The following STXBP5L variants were observed in gnomAD, a reference collection of about 807,000 sequenced individuals.
STXBP5L encodes syntaxin binding protein 5L.
STXBP5L carries 65 observed loss-of-function variants against 144.5 expected under a neutral mutation model. That is an observed-to-expected ratio of 0.45 (90% CI 0.37 to 0.55). The LOEUF (loss-of-function observed/expected upper bound fraction) is 0.55. Among genes scored for constraint, STXBP5L ranks in the 20% least tolerant of loss-of-function variants. STXBP5L has a pLI of 0.00. For missense variants in STXBP5L, 1,298 were observed against 1,405.5 expected, an observed-to-expected ratio of 0.92 and a Z score of 1.22; for synonymous variants, 505 against 469.6, an observed-to-expected ratio of 1.08 and a Z score of -0.97.
intron 19 of STXBP5L, among the ~76,000 whole-genome samples, chr3:121,317,318 T>A (rs2043818844): frequency 6.6e-6 from 1 of 152,206 alleles, no homozygotes; most frequent in Non-Finnish European, 1.5e-5. Flanking sequence ...TTCTGTGTCC[T>A]TTTCAAGCTA....
intron 5 of STXBP5L, among the ~76,000 whole-genome samples, chr3:121,100,787 A>C (rs1314884845): frequency 2.0e-5 from 3 of 151,954 alleles, no homozygotes; most frequent in Non-Finnish European, 4.4e-5. Context: ...AATCCACACA[A>C]TATATCGACA....
At chr3:121,062,292 T>C (rs1396326548) in intron 5 of STXBP5L, among the ~76,000 whole-genome samples, 1 of 152,330 alleles carries the variant, frequency 6.6e-6, no homozygotes, top group South Asian at 2.1e-4. Context: ...TGAAAATTCT[T>C]CTCTTTAAAA....
chr3:121,016,336 T>A (rs1158137363), intron 3 of STXBP5L, among the ~76,000 whole-genome samples: 1 of 152,156 alleles, frequency 6.6e-6, no homozygotes, highest in Non-Finnish European at 1.5e-5. Context: ...TGTGAAAAGA[T>A]TTAATGTAGA....
chr3:121,341,058 C>T (rs971634787), intron 20 of STXBP5L, among the ~76,000 whole-genome samples: 1 of 152,022 alleles, frequency 6.6e-6, no homozygotes, highest in Non-Finnish European at 1.5e-5. Context: ...AAATAATCAA[C>T]TAAGTGCAGA....
chr3:120,939,965 C>T lies in STXBP5L; in HGVS notation c.190-14975C>T, dbSNP rs115181585. On this transcript the variant is annotated intron_variant, in intron 2 of 26. Transcript: ENST00000471454. The stretch of plus-strand genomic sequence containing the variant: ...AGTGACAGACCTGAGAACTGAACTA[C>T]GTCTCCTGACTTCTAACAAAATATT... Among the ~76,000 whole-genome samples, 370 of 152,188 alleles carry T rather than the reference C, an allele frequency of 2.4e-3. 1 individual carries two copies. The highest frequency in any genetic ancestry group is 4.2e-3 in the African/African-American group (174 of 41,544).
At chr3:121,150,950 T>C (rs2045910395) in intron 7 of STXBP5L, among the ~76,000 whole-genome samples, 1 of 152,028 alleles carries the variant, frequency 6.6e-6, no homozygotes, top group Non-Finnish European at 1.5e-5. Flanking sequence ...TAGCCAGGTG[T>C]GGTGGCAGAT....
In STXBP5L at chr3:120,961,713, G is replaced by A. The variant is rs895060880; in HGVS notation, c.287+6676G>A. ...GATGCTTCCAAGTCTTTGCTGTTGT[G>A]AATAGTGCCACCATAAACATACGTG... On this transcript the variant is annotated intron_variant, in intron 3 of 26. Transcript: ENST00000471454. Among the ~76,000 whole-genome samples the A allele has an allele frequency of 7.2e-5, 11 of 152,190 alleles. No homozygotes were observed. The South Asian group carries it at 1.0e-3, about 14-fold the overall frequency.
intron 7 of STXBP5L, among the ~76,000 whole-genome samples, chr3:121,142,045 A>T (rs1322641419): frequency 6.6e-6 from 1 of 152,094 alleles, no homozygotes; most frequent in African/African-American, 2.4e-5. Context: ...TTAAGGATAT[A>T]TAAAGACTGA....
intron 9 of STXBP5L, among the ~76,000 whole-genome samples, chr3:121,190,270 C>CT (rs2047588955): frequency 6.6e-6 from 1 of 151,878 alleles, no homozygotes; most frequent in Non-Finnish European, 1.5e-5. Flanking sequence ...TTAGCGAGCA[C>CT]GCTGCCTTCA....
intron 9 of STXBP5L, among the ~76,000 whole-genome samples, chr3:121,193,524 T>C (rs2047792839): frequency 6.6e-6 from 1 of 152,166 alleles, no homozygotes; most frequent in South Asian, 2.1e-4. Flanking sequence ...CATGTACATG[T>C]ATGTTTATTG....
chr3:121,050,681 G>A (rs1038258014), intron 5 of STXBP5L, among the ~76,000 whole-genome samples: 7 of 152,008 alleles, frequency 4.6e-5, no homozygotes, highest in Non-Finnish European at 5.9e-5. Context: ...ATCAACTAAC[G>A]AGCAAAATAA....
intron 14 of STXBP5L, among the ~76,000 whole-genome samples, chr3:121,246,075 C>A (rs1440034333): frequency 2.0e-5 from 3 of 152,098 alleles, no homozygotes; most frequent in African/African-American, 4.8e-5. Flanking sequence ...CAGTACCAGT[C>A]CATGGCCTGT....
At chr3:121,148,591 C>A (rs2045808146) in intron 7 of STXBP5L, among the ~76,000 whole-genome samples, 1 of 151,982 alleles carries the variant, frequency 6.6e-6, no homozygotes, top group South Asian at 2.1e-4. Flanking sequence ...ATGATTTATT[C>A]CTTTAATTTA....
At chr3:121,196,650 A>T (rs780434587) in intron 9 of STXBP5L, among the ~76,000 whole-genome samples, 4 of 150,544 alleles carry the variant, frequency 2.7e-5, no homozygotes, top group Non-Finnish European at 5.9e-5. Flanking sequence ...TATTGATTTG[A>T]GGTAATTTTG....
intron 19 of STXBP5L, among the ~76,000 whole-genome samples, chr3:121,306,403 T>C (rs1286555409): frequency 6.6e-6 from 1 of 152,100 alleles, no homozygotes; most frequent in East Asian, 1.9e-4. Flanking sequence ...CTCAGTACCA[T>C]AAAATATTGA....
chr3:121,301,688 T>C (rs2051913897), intron 19 of STXBP5L, among the ~76,000 whole-genome samples: 2 of 152,194 alleles, frequency 1.3e-5, no homozygotes. Flanking sequence ...GGGTTTGTCA[T>C]AGATAGCTCT....
intron 5 of STXBP5L, among the ~76,000 whole-genome samples, chr3:121,093,254 C>T (rs1242405261): frequency 2.0e-5 from 3 of 152,094 alleles, no homozygotes; most frequent in African/African-American, 7.2e-5. Flanking sequence ...TTGTCTCTGC[C>T]CGGCTTTGGT....
chr3:121,333,906 G>T (rs1024689941), intron 20 of STXBP5L, among the ~76,000 whole-genome samples: 2 of 152,048 alleles, frequency 1.3e-5, no homozygotes, highest in Non-Finnish European at 2.9e-5. Context: ...TGGTTTGGCT[G>T]TGTCCCCACC....
intron 3 of STXBP5L, among the ~76,000 whole-genome samples, chr3:120,959,784 C>A (rs1169195180): frequency 6.6e-6 from 1 of 152,140 alleles, no homozygotes; most frequent in African/African-American, 2.4e-5. Flanking sequence ...AAATGTTAGA[C>A]CTAAAACCAT....
Sources: gnomAD v4.1 joint callset for allele counts (sites outside exome capture counted in the v4.1 genomes callset) on GRCh38, gnomAD v4.1.1 for gene constraint, MANE v1.5 for transcripts, NCBI Gene and HGNC (gene_info 2026-07-23, HGNC 2026-07-21) for gene names.